The following PLXDC2 variants were observed in gnomAD, a reference collection of about 807,000 sequenced individuals.
PLXDC2 encodes the protein plexin domain containing 2.
Under a neutral mutation model 68.9 loss-of-function variants are expected in PLXDC2, and 40 were observed. The observed-to-expected ratio is 0.58, with a 90% CI of 0.45 to 0.76. The LOEUF (loss-of-function observed/expected upper bound fraction) is 0.76. Among genes scored for constraint, PLXDC2 ranks in the 30% least tolerant of loss-of-function variants. PLXDC2 has a pLI of 0.00. For missense variants in PLXDC2, 644 were observed against 661.9 expected, an observed-to-expected ratio of 0.97 and a Z score of 0.30; for synonymous variants, 243 against 234.2, an observed-to-expected ratio of 1.04 and a Z score of -0.34.
chr10:20,081,377 G>A (rs545778458), intron 4 of PLXDC2, among the ~76,000 whole-genome samples: 2 of 150,834 alleles, frequency 1.3e-5, no homozygotes, highest in African/African-American at 4.9e-5. Flanking sequence ...AAATACTAAA[G>A]ACTAAGAAAC....
At chr10:20,035,901 AT>A (rs1835569490) in intron 2 of PLXDC2, among the ~76,000 whole-genome samples, 1 of 152,076 alleles carries the variant, frequency 6.6e-6, no homozygotes, top group Non-Finnish European at 1.5e-5. Context: ...TTCTGAGTAA[AT>A]TTTTGCATAA....
chr10:19,829,980 G>A (rs1836657117), intron 1 of PLXDC2, among the ~76,000 whole-genome samples: 1 of 152,162 alleles, frequency 6.6e-6, no homozygotes, highest in Admixed American at 6.5e-5. Context: ...GCTGTGAAAG[G>A]ACAAGATTTT....
chr10:19,880,416 C>A (rs1288301649), intron 1 of PLXDC2, among the ~76,000 whole-genome samples: 3 of 152,124 alleles, frequency 2.0e-5, no homozygotes, highest in Non-Finnish European at 4.4e-5. Flanking sequence ...AGATTAACAA[C>A]AATAACTAAT....
At chr10:20,276,479 G>A (rs1188441969) in intron 13 of PLXDC2, among the ~76,000 whole-genome samples, 1 of 152,198 alleles carries the variant, frequency 6.6e-6, no homozygotes, top group East Asian at 1.9e-4. Context: ...TTATTGCTGC[G>A]AGCATTTTCT....
chr10:20,102,621 G>A (rs1374715764), intron 4 of PLXDC2, among the ~76,000 whole-genome samples: 1 of 152,188 alleles, frequency 6.6e-6, no homozygotes, highest in Non-Finnish European at 1.5e-5. Flanking sequence ...TGGTTTTAAG[G>A]ATTTTGGCTT....
chr10:19,931,765 C>T (rs1399590696), intron 1 of PLXDC2, among the ~76,000 whole-genome samples: 2 of 152,136 alleles, frequency 1.3e-5, no homozygotes, highest in African/African-American at 2.4e-5. Context: ...ATCATCTGTG[C>T]CTCTATCTGA....
At chr10:19,915,943 C>A (rs2131377178) in intron 1 of PLXDC2, among the ~76,000 whole-genome samples, 1 of 152,040 alleles carries the variant, frequency 6.6e-6, no homozygotes, top group Non-Finnish European at 1.5e-5. Context: ...GAATAGAGAG[C>A]TTATTTTTCC....
intron 1 of PLXDC2, among the ~76,000 whole-genome samples, chr10:19,853,508 G>A (rs1248478252): frequency 1.3e-5 from 2 of 151,800 alleles, no homozygotes; most frequent in Non-Finnish European, 2.9e-5. Flanking sequence ...TGCCTGCCTC[G>A]CCCTCTCAAA....
Position 20,097,663 on chromosome 10 carries a change from A to G in PLXDC2, c.541+29424A>G, listed in dbSNP as rs564737091. ...ATCAACAACTTATACTGTACAGCCA[A>G]ATCTACTTTTGAAAACACTCAGGTA... is the stretch of plus-strand genomic sequence containing the variant. On this transcript the variant is annotated intron_variant, in intron 4 of 13. Transcript: ENST00000377252. Among the ~76,000 whole-genome samples the G allele has an allele frequency of 1.8e-3, 281 of 152,194 alleles. 1 individual carries two copies. Among genetic ancestry groups the G allele is most frequent in the Non-Finnish European group, 3.0e-3 (205 of 68,006 alleles).
chr10:19,822,058 T>C (rs1443667683), intron 1 of PLXDC2, among the ~76,000 whole-genome samples: 2 of 151,974 alleles, frequency 1.3e-5, no homozygotes, highest in East Asian at 1.9e-4. Context: ...CTTAGCACAA[T>C]GTCCCCCAGA....
intron 1 of PLXDC2, among the ~76,000 whole-genome samples, chr10:19,999,967 C>A (rs1247099288): frequency 6.6e-6 from 1 of 152,138 alleles, no homozygotes. Context: ...AGCAAACCTA[C>A]TAGACAGAAT....
chr10:19,912,741 A>G (rs990457466), intron 1 of PLXDC2, among the ~76,000 whole-genome samples: 32 of 152,286 alleles, frequency 2.1e-4, no homozygotes, highest in African/African-American at 7.5e-4. Context: ...GCCTATGAAC[A>G]TAAAAATTGA....
At chr10:19,977,962 A>G (rs1440029348) in intron 1 of PLXDC2, among the ~76,000 whole-genome samples, 2 of 152,146 alleles carry the variant, frequency 1.3e-5, no homozygotes, top group African/African-American at 2.4e-5. Flanking sequence ...CCCTTTCCAG[A>G]TAATATGCCT....
intron 13 of PLXDC2, among the ~76,000 whole-genome samples, chr10:20,267,954 C>A (rs1234919664): frequency 1.3e-5 from 2 of 151,836 alleles, no homozygotes; most frequent in Non-Finnish European, 2.9e-5. Context: ...AGGATGAATG[C>A]AGTCCACTCT....
At position 20,001,913 on chromosome 10, in the gene PLXDC2, A is replaced by C; in HGVS notation, c.251A>C (p.Gln84Pro). 6.2e-7 allele frequency: 1 copy of C among 1,613,582 alleles called. No individual in the cohort carries two copies. Among genetic ancestry groups the C allele is most frequent in the Non-Finnish European group, 8.5e-7 (1 of 1,179,988 alleles). Residue 84 changes from glutamine (Q) to proline (P), a missense_variant, in exon 2 of 14, where the codon CAA (glutamine) becomes CCA (proline). Physicochemically the swap from Gln to Pro is moderately conservative, Grantham distance 76 (BLOSUM62 -1). Transcript: ENST00000377252. ...AVDTNRASVG[Q>P]DSPEPRSFTD... is the part of the protein sequence containing the mutation. ...GACACGAACCGAGCAAGCGTCGGCC[A>C]AGACTCTCCTGAGCCCAGAAGCTTC...
chr10:19,950,874 A>G (rs1431553490), intron 1 of PLXDC2, among the ~76,000 whole-genome samples: 1 of 152,230 alleles, frequency 6.6e-6, no homozygotes, highest in Non-Finnish European at 1.5e-5. Flanking sequence ...AATTGTTGAC[A>G]GAGTTGACAG....
intron 9 of PLXDC2, among the ~76,000 whole-genome samples, chr10:20,182,887 C>T (rs985895784): frequency 1.8e-4 from 27 of 151,986 alleles, no homozygotes; most frequent in Admixed American, 5.9e-4. Context: ...TGATGTTCCC[C>T]TCCCTGTGTC....
At chr10:20,173,704 G>A (rs984099094) in intron 7 of PLXDC2, among the ~76,000 whole-genome samples, 5 of 152,162 alleles carry the variant, frequency 3.3e-5, no homozygotes, top group African/African-American at 4.8e-5. Context: ...AAGACTGAAC[G>A]TTTAATTCAA....
At chr10:19,960,804 G>C (rs151254418) in intron 1 of PLXDC2, among the ~76,000 whole-genome samples, 1 of 152,122 alleles carries the variant, frequency 6.6e-6, no homozygotes, top group African/African-American at 2.4e-5. Flanking sequence ...CAGACCTTGA[G>C]CAATATTGCT....
Sources: gnomAD v4.1 joint callset for allele counts (sites outside exome capture counted in the v4.1 genomes callset) on GRCh38, gnomAD v4.1.1 for gene constraint, MANE v1.5 for transcripts, NCBI Gene and HGNC (gene_info 2026-07-23, HGNC 2026-07-21) for gene names.